MATCAP2: variants seen among roughly 807,000 people sequenced by gnomAD.
MATCAP2 encodes putative tyrosine carboxypeptidase MATCAP2.
At chr7:36,330,251 C>CT in the MATCAP2 span, among the ~76,000 whole-genome samples, 1 of 151,528 alleles carries the variant, frequency 6.6e-6, no homozygotes, top group African/African-American at 2.4e-5. Context: ...TGCCCGGCTA[C>CT]TTTTTAAAAT....
At chr7:36,380,172 T>G in the MATCAP2 span, among the ~76,000 whole-genome samples, 1 of 152,164 alleles carries the variant, frequency 6.6e-6, no homozygotes, top group Non-Finnish European at 1.5e-5. Flanking sequence ...GGGAGTAGGA[T>G]GAGCATGCCA....
the MATCAP2 span, chr7:36,326,952 G>A: frequency 1.5e-5 from 24 of 1,579,964 alleles, no homozygotes; most frequent in Non-Finnish European, 2.0e-5. Flanking sequence ...AATTAAAAAT[G>A]TAACTACAAT....
the MATCAP2 span, among the ~76,000 whole-genome samples, chr7:36,338,329 G>T: frequency 6.6e-6 from 1 of 151,968 alleles, no homozygotes; most frequent in Admixed American, 6.6e-5. Context: ...ACAGTGTCTT[G>T]CTCTGTCACC....
At chr7:36,367,227 G>T in the MATCAP2 span, 1 of 1,143,742 alleles carries the variant, frequency 8.7e-7, no homozygotes, top group Admixed American at 4.8e-5. Flanking sequence ...CCGCTCCGCC[G>T]GTTGCTAGGA....
At chr7:36,350,531 CCTTT>C in the MATCAP2 span, among the ~76,000 whole-genome samples, 4 of 87,836 alleles carry the variant, frequency 4.6e-5, no homozygotes, top group African/African-American at 1.3e-4. Context: ...GGACTGTGTT[CCTTT>C]TTTTTTTTTT....
At chr7:36,348,766 G>GA in the MATCAP2 span, among the ~76,000 whole-genome samples, 1 of 152,298 alleles carries the variant, frequency 6.6e-6, no homozygotes, top group South Asian at 2.1e-4. Flanking sequence ...AAGGGAAATA[G>GA]AAGTAGGGGA....
chr7:36,350,509 A>G, the MATCAP2 span, among the ~76,000 whole-genome samples: 1 of 149,732 alleles, frequency 6.7e-6, no homozygotes, highest in African/African-American at 2.5e-5. Flanking sequence ...AGAGGTCTTC[A>G]TTGGCCTGGA....
the MATCAP2 span, among the ~76,000 whole-genome samples, chr7:36,341,489 C>T: frequency 7.9e-5 from 12 of 152,150 alleles, no homozygotes; most frequent in African/African-American, 2.9e-4. Flanking sequence ...ATGCCCCACC[C>T]ACATTCTTAT....
At chr7:36,326,767 A>G in the MATCAP2 span, 1 of 1,612,690 alleles carries the variant, frequency 6.2e-7, no homozygotes, top group Non-Finnish European at 8.5e-7. Context: ...TTACTATATA[A>G]GATCTTTCAG....
At chr7:36,328,243 G>GT in the MATCAP2 span, among the ~76,000 whole-genome samples, 8 of 128,532 alleles carry the variant, frequency 6.2e-5, 1 homozygote, top group South Asian at 1.8e-3. Flanking sequence ...TTTTTGTAGG[G>GT]GGGGGGGGTC....
At chr7:36,336,157 C>T in the MATCAP2 span, 4 of 1,535,034 alleles carry the variant, frequency 2.6e-6, no homozygotes, top group South Asian at 4.8e-5. Flanking sequence ...TTCATACCTC[C>T]CCTAGGCAGC....
At chr7:36,382,894 A>T in the MATCAP2 span, among the ~76,000 whole-genome samples, 1 of 152,234 alleles carries the variant, frequency 6.6e-6, no homozygotes, top group African/African-American at 2.4e-5. Flanking sequence ...TTATGAAAGG[A>T]TTTACTGTGG....
At chr7:36,337,052 C>T in the MATCAP2 span, among the ~76,000 whole-genome samples, 5 of 129,604 alleles carry the variant, frequency 3.9e-5, no homozygotes, top group Middle Eastern at 4.5e-3. Flanking sequence ...GAGCCGAGAT[C>T]GCGCCATTGC....
the MATCAP2 span, among the ~76,000 whole-genome samples, chr7:36,366,229 T>A: frequency 6.6e-6 from 1 of 152,148 alleles, no homozygotes; most frequent in African/African-American, 2.4e-5. Flanking sequence ...GCTGGGAAAA[T>A]GGCCTAGAAA....
the MATCAP2 span, among the ~76,000 whole-genome samples, chr7:36,372,977 T>C: frequency 4.0e-5 from 6 of 151,864 alleles, no homozygotes; most frequent in Admixed American, 2.6e-4. Context: ...TGGTGGTGCA[T>C]GCCTGTAGTC....
chr7:36,380,114 G>A, the MATCAP2 span, among the ~76,000 whole-genome samples: 1 of 152,164 alleles, frequency 6.6e-6, no homozygotes. Flanking sequence ...TATTCAGCTG[G>A]ATTTGTATTT....
the MATCAP2 span, among the ~76,000 whole-genome samples, chr7:36,328,136 A>T: frequency 6.6e-6 from 1 of 150,958 alleles, no homozygotes; most frequent in East Asian, 2.0e-4. Flanking sequence ...TGATGCAATC[A>T]CAGCTCAGTG....
chr7:36,372,274 G>C, the MATCAP2 span, among the ~76,000 whole-genome samples: 7 of 152,088 alleles, frequency 4.6e-5, no homozygotes, highest in Non-Finnish European at 8.8e-5. Context: ...AGCATTACCA[G>C]ACGCCTCAGG....
At chr7:36,365,770 T>C in the MATCAP2 span, among the ~76,000 whole-genome samples, 5 of 152,246 alleles carry the variant, frequency 3.3e-5, no homozygotes, top group African/African-American at 1.2e-4. Context: ...GGAGGTATGG[T>C]ACTTTTAAGT....
Sources: gnomAD v4.1 joint callset for allele counts (sites outside exome capture counted in the v4.1 genomes callset) on GRCh38, gnomAD v4.1.1 for gene constraint, MANE v1.5 for transcripts, NCBI Gene and HGNC (gene_info 2026-07-23, HGNC 2026-07-21) for gene names.